PTPRS: variants seen among roughly 807,000 people sequenced by gnomAD.
PTPRS encodes receptor-type tyrosine-protein phosphatase S.
PTPRS carries 63 observed loss-of-function variants against 215.3 expected under a neutral mutation model. The observed-to-expected ratio is 0.29, with a 90% CI of 0.24 to 0.36. The LOEUF (loss-of-function observed/expected upper bound fraction) is 0.36, where lower values mean the gene tolerates loss of function less well. Ranked by LOEUF, PTPRS falls within the 10% of genes least tolerant of loss-of-function variation. The pLI is 1.00. For synonymous variants in PTPRS, 1,404 were observed against 1,191.4 expected (o/e 1.18, Z -3.68); for missense variants, 2,258 against 2,825.8 (o/e 0.80, Z 4.56).
intron 18 of PTPRS, 110 bp from the exon 19 acceptor site, chr19:5,222,330 C>A: frequency 1.1e-6 from 1 of 902,092 alleles, no homozygotes; most frequent in Non-Finnish European, 1.8e-6. Context: ...CGCTCCCTGT[C>A]GTCCGCTGTG....
chr19:5,222,077 C>G (rs3746131), intron 19 of PTPRS, 46 bp downstream of exon 19: 106,687 of 1,514,778 alleles, frequency 0.07, 4,591 homozygotes, highest in Admixed American at 0.16. Flanking sequence ...TGAACTACAA[C>G]CCCTGACCCT....
intron 13 of PTPRS, among the ~76,000 whole-genome samples, chr19:5,236,936 A>C (rs2043503677): frequency 2.0e-5 from 3 of 152,120 alleles, no homozygotes; most frequent in African/African-American, 7.2e-5. Context: ...AACCGAAACC[A>C]TAATAAAATA....
intron 2 of PTPRS, among the ~76,000 whole-genome samples, chr19:5,275,061 T>C (rs1478447053): frequency 8.4e-6 from 1 of 118,884 alleles, no homozygotes; most frequent in African/African-American, 3.4e-5. Context: ...ATCCTGATCG[T>C]CATTTTCTTT....
chr19:5,206,220 T>C lies in PTPRS; in HGVS notation c.*554A>G, dbSNP rs935603700. 4.1e-5 allele frequency: 9 copies of C among 219,512 alleles called. No homozygotes were observed. The highest frequency in any genetic ancestry group is 7.2e-5 in the African/African-American group (3 of 41,398). 13.6% of individuals were successfully genotyped at this position (219,512 alleles called of 1,614,324 possible). On this transcript the variant is annotated 3_prime_UTR_variant, in exon 38 of 38. Transcript: ENST00000262963. ...CAAAGTTAGTTCTCTTTGAAAGTCA[T>C]TGACTGGCGAGTCTTTTGTTTGTTT...
At chr19:5,301,754 G>T in intron 1 of PTPRS, among the ~76,000 whole-genome samples, 1 of 150,708 alleles carries the variant, frequency 6.6e-6, no homozygotes, top group Admixed American at 6.6e-5. Flanking sequence ...TCCCCTCCTT[G>T]CTCATGACTC....
intron 28 of PTPRS, 121 bp downstream of exon 28, chr19:5,215,168 G>A (rs1444537272): frequency 3.7e-6 from 5 of 1,353,388 alleles, no homozygotes; most frequent in African/African-American, 1.5e-5. Flanking sequence ...GTGGCCTCCA[G>A]TTGGAGCTGG....
rs772912033 is a variant in PTPRS at position 5,222,721 on chromosome 19, G to A, written c.3071C>T (p.Pro1024Leu). The stretch of plus-strand genomic sequence containing the variant: ...CCGCAGGAACGTCCGGTAGCGGACG[G>A]GGGGGCTGAAGGGGCCAGGGCCCCG... ...TRRGPGPFSP[P>L]VRYRTFLRDQ... The change falls in exon 18 of 38, where the codon CCC becomes CTC. Residue 1024 changes from proline (P) to leucine (L), a missense_variant. Physicochemically the swap from Pro to Leu is moderately conservative, Grantham distance 98 (BLOSUM62 -3). This residue lies in a region of PTPRS where 361 missense variants were observed against 332.6 expected (regional missense o/e 1.09). Transcript: ENST00000262963. 32 of 1,595,648 alleles carry A rather than the reference G, an allele frequency of 2.0e-5. No homozygotes were observed. Among genetic ancestry groups the A allele is most frequent in the South Asian group, 6.6e-5 (6 of 90,722 alleles).
In PTPRS at chr19:5,244,603, G is replaced by GA; in HGVS notation, c.989-122_989-121insT. Reference sequence around the variant, plus strand: ...CCTTGATTTGCCCAGCAGTAATCATGGGCCTCATGACTCCTGTCATCGTCT... The same window carrying GA: ...CCTTGATTTGCCCAGCAGTAATCATGAGGCCTCATGACTCCTGTCATCGTCT... On this transcript the variant is annotated intron_variant, in intron 10 of 37. Coordinates refer to ENST00000262963, the MANE Select transcript of PTPRS (RefSeq NM_002850.4). This position sits in a 1 kb window ranked among gnomAD's most constrained non-coding sequence, Gnocchi z 7.2. 7.8e-6 allele frequency: 6 copies of GA among 768,044 alleles called. No individual in the cohort carries two copies. The highest frequency in any genetic ancestry group is 1.8e-5 in the South Asian group (1 of 54,818). 47.6% of individuals were successfully genotyped at this position (768,044 alleles called of 1,614,324 possible). A position where few individuals can be genotyped will look rare whatever the true frequency, so the allele number is the denominator to read the frequency against.
intron 8 of PTPRS, 71 bp from the exon 9 acceptor site, chr19:5,256,190 CAG>C (rs2045541945): frequency 7.7e-7 from 1 of 1,295,814 alleles, no homozygotes; most frequent in Non-Finnish European, 1.0e-6. Context: ...AGGGGAGATA[CAG>C]AGAGTAAAAA....
chr19:5,238,806 A>G (rs533722865), intron 13 of PTPRS, 113 bp downstream of exon 13: 2 of 1,356,536 alleles, frequency 1.5e-6, no homozygotes, highest in African/African-American at 1.5e-5. Context: ...ACAGGCCGGG[A>G]GGCGCCCCCC....
rs55763631 is a variant in PTPRS at position 5,293,572 on chromosome 19, C to A, written c.-94-7338G>T. On this transcript the variant is annotated intron_variant, in intron 1 of 37. Coordinates refer to ENST00000262963, the MANE Select transcript of PTPRS (RefSeq NM_002850.4). The surrounding 1 kb of genome is among the most constrained non-coding windows in gnomAD (Gnocchi z 8.4). ...TCGCTTCCCCAGCTCTGATCGTAGC[C>A]ATGGCAACGCATGAGGAGGCTGGAT... 0.037 allele frequency among the ~76,000 whole-genome samples: 5,653 copies of A among 152,290 alleles called. 164 individuals carry two copies. Among genetic ancestry groups the A allele is most frequent in the Middle Eastern group, 0.058 (17 of 294 alleles).
At chr19:5,328,703 G>A (rs2058648470) in intron 1 of PTPRS, among the ~76,000 whole-genome samples, 1 of 152,060 alleles carries the variant, frequency 6.6e-6, no homozygotes, top group African/African-American at 2.4e-5. Flanking sequence ...GCTGAGACAG[G>A]TGGATCACCT....
intron 35 of PTPRS, among the ~76,000 whole-genome samples, chr19:5,209,567 A>C (rs1373778407): frequency 6.6e-6 from 1 of 152,120 alleles, no homozygotes; most frequent in African/African-American, 2.4e-5. Flanking sequence ...ATTGGTTTAT[A>C]CCATTGACTA....
intron 1 of PTPRS, among the ~76,000 whole-genome samples, chr19:5,322,900 AG>A (rs1475606733): frequency 0.043 from 5,071 of 117,576 alleles, 142 homozygotes; most frequent in South Asian, 0.1. Context: ...AAAAAAAAAA[AG>A]AAGAAGAAGA....
chr19:5,282,039 CCCAGAACACTGGGCTGAGATA>C (rs1357848127), intron 2 of PTPRS, among the ~76,000 whole-genome samples: 1 of 152,062 alleles, frequency 6.6e-6, no homozygotes, highest in East Asian at 1.9e-4. Flanking sequence ...CCTGGGCGTC[CCCAGAACACTGGGCTGAGATA>C]CCTGCTTATG....
At chr19:5,332,204 T>C (rs1434583080) in intron 1 of PTPRS, among the ~76,000 whole-genome samples, 1 of 152,112 alleles carries the variant, frequency 6.6e-6, no homozygotes, top group Non-Finnish European at 1.5e-5. Context: ...CTCAGCTCAC[T>C]GCAACCTCCG....
intron 1 of PTPRS, among the ~76,000 whole-genome samples, chr19:5,300,240 C>CAA (rs67349608): frequency 2.6e-4 from 29 of 113,480 alleles, no homozygotes; most frequent in African/African-American, 5.4e-4. Context: ...GACTCCATCT[C>CAA]AAAAAAAAAA....
chr19:5,232,740 T>C (rs2043120958), intron 13 of PTPRS, among the ~76,000 whole-genome samples: 1 of 133,512 alleles, frequency 7.5e-6, no homozygotes. Context: ...GAAGCTCCAA[T>C]TATTAGGCAC....
At chr19:5,251,526 C>G (rs183376423) in intron 9 of PTPRS, among the ~76,000 whole-genome samples, 1 of 151,836 alleles carries the variant, frequency 6.6e-6, no homozygotes, top group Non-Finnish European at 1.5e-5. Context: ...TCACCACCCC[C>G]CCAACCTCGC....
Sources: allele counts gnomAD v4.1 joint callset (sites outside exome capture counted in the v4.1 genomes callset), GRCh38; gene constraint gnomAD v4.1.1; regional missense constraint gnomAD v4.1.1; non-coding constraint Gnocchi (gnomAD v3.1); transcripts MANE v1.5; gene names NCBI Gene and HGNC (gene_info 2026-07-23, HGNC 2026-07-21).